The following MCPH1 variants were observed in gnomAD, a reference collection of about 807,000 sequenced individuals.
MCPH1 encodes the protein microcephalin 1, also known as microcephalin.
In MCPH1, 104 loss-of-function variants were observed where a neutral mutation model predicts 84.5. That is an observed-to-expected ratio of 1.23 (90% CI 1.05 to 1.45). The LOEUF is 1.45. Among genes scored for constraint, MCPH1 ranks in the 40% most tolerant of loss-of-function variants. The pLI is 0.00. For missense variants in MCPH1, 1,498 were observed against 1,005.7 expected (o/e 1.49, Z -6.62); for synonymous variants, 514 against 366.8 (o/e 1.40, Z -4.58).
chr8:6,483,156 A>T (rs1322167156), intron 11 of MCPH1, among the ~76,000 whole-genome samples: 2 of 152,212 alleles, frequency 1.3e-5, no homozygotes, highest in African/African-American at 4.8e-5. Context: ...AAACTACAAA[A>T]TACTGATTTT....
At chr8:6,584,850 A>C (rs1378644457) in intron 12 of MCPH1, among the ~76,000 whole-genome samples, 3 of 152,238 alleles carry the variant, frequency 2.0e-5, no homozygotes, top group Admixed American at 2.0e-4. Context: ...TGTGTCCCCT[A>C]GTTGCACAGT....
rs1292788858 is a variant in MCPH1 at position 6,485,959 on chromosome 8, C to A, written c.2136+5083C>A. 1.3e-5 allele frequency among the ~76,000 whole-genome samples: 2 copies of A among 152,160 alleles called. 1 individual carries two copies. ...CAAAAAGTTTAGAAACAAGCCGAGT[C>A]ACTTTCTCTGTTCATCTCAGTCTTC... is the stretch of plus-strand genomic sequence containing the variant. On this transcript the variant is annotated intron_variant, in intron 11 of 13. Coordinates refer to ENST00000344683, the MANE Select transcript of MCPH1 (RefSeq NM_024596.5).
At position 6,645,606 on chromosome 8, in the gene MCPH1, C is replaced by CAA. The variant is rs34907559; in HGVS notation, c.*2576_*2577dup. 0.048 allele frequency: 2,450 copies of CAA among 51,562 alleles called. 263 individuals carry two copies. The highest frequency in any genetic ancestry group is 0.3 in the East Asian group (620 of 2,044). 3.2% of individuals were successfully genotyped at this position (51,562 alleles called of 1,614,324 possible). A position where few individuals can be genotyped will look rare whatever the true frequency, so the allele number is the denominator to read the frequency against. ...CTATGTATAGAAATTGTAAGGAATG[C>CAA]AAAAAAAAAAAAAAAAAAAAGCCCT... is the stretch of plus-strand genomic sequence containing the variant. On this transcript the variant is annotated 3_prime_UTR_variant, in exon 14 of 14. Coordinates refer to ENST00000344683, the MANE Select transcript of MCPH1 (RefSeq NM_024596.5).
intron 12 of MCPH1, chr8:6,503,096 G>T (rs1194258225): frequency 6.2e-7 from 1 of 1,614,154 alleles, no homozygotes. Flanking sequence ...GGTGGACTGG[G>T]ATGTTTAGAA....
chr8:6,427,940 G>C (rs544710843), intron 3 of MCPH1, among the ~76,000 whole-genome samples: 2 of 151,710 alleles, frequency 1.3e-5, no homozygotes, highest in Non-Finnish European at 2.9e-5. Context: ...TTACAGGCAC[G>C]CACCACCACG....
chr8:6,435,074 G>A (rs1052214149), intron 4 of MCPH1, among the ~76,000 whole-genome samples: 18 of 152,098 alleles, frequency 1.2e-4, no homozygotes, highest in Admixed American at 4.6e-4. Context: ...ACCTTCCTGT[G>A]GATATCAGCC....
At chr8:6,474,114 A>T in intron 9 of MCPH1, 1 of 766,826 alleles carries the variant, frequency 1.3e-6, no homozygotes, top group South Asian at 1.4e-5. Context: ...TCAGGGAAGA[A>T]ATCACAACCG....
Position 6,642,975 on chromosome 8 carries a change from CT to C in MCPH1, c.2453-15del. ...GCTGGCTATTATGAATGCTAAACTGCTTTTCGCTCTCTCTCTAGATTCCATC... is the reference window on the plus strand; with the variant it reads ...GCTGGCTATTATGAATGCTAAACTGCTTTCGCTCTCTCTCTAGATTCCATC... On this transcript the variant is annotated intron_variant, in intron 13 of 13. Coordinates refer to ENST00000344683, the MANE Select transcript of MCPH1 (RefSeq NM_024596.5). 1 of 1,612,924 alleles carries C rather than the reference CT, an allele frequency of 6.2e-7. No individual in the cohort carries two copies. The highest frequency in any genetic ancestry group is 1.1e-5 in the South Asian group (1 of 90,992).
At chr8:6,488,933 G>A (rs1467579316) in intron 11 of MCPH1, among the ~76,000 whole-genome samples, 2 of 152,030 alleles carry the variant, frequency 1.3e-5, no homozygotes, top group East Asian at 3.9e-4. Context: ...GCCCTTCCTA[G>A]GAAGATCTAG....
At chr8:6,474,488 C>T (rs1029632841) in intron 9 of MCPH1, among the ~76,000 whole-genome samples, 1 of 152,124 alleles carries the variant, frequency 6.6e-6, no homozygotes, top group Admixed American at 6.5e-5. Flanking sequence ...CACCACTGCA[C>T]TCCAGCTAGG....
intron 12 of MCPH1, among the ~76,000 whole-genome samples, chr8:6,534,483 A>G (rs1820144050): frequency 6.6e-6 from 1 of 152,170 alleles, no homozygotes. Context: ...GTGTAAAATC[A>G]TTTTGTTGAA....
At chr8:6,555,133 A>G (rs776873990) in intron 12 of MCPH1, among the ~76,000 whole-genome samples, 1 of 152,064 alleles carries the variant, frequency 6.6e-6, no homozygotes, top group Non-Finnish European at 1.5e-5. Context: ...TTTTATTTAC[A>G]TCAAATCATT....
intron 1 of MCPH1, chr8:6,407,244 C>G (rs1328562344): frequency 6.2e-6 from 1 of 162,366 alleles, no homozygotes; most frequent in Non-Finnish European, 1.3e-5. Flanking sequence ...GCTAATTGTT[C>G]CAATAATAGG....
chr8:6,433,747 C>G (rs569085713), intron 4 of MCPH1, among the ~76,000 whole-genome samples: 2 of 151,430 alleles, frequency 1.3e-5, no homozygotes, highest in Non-Finnish European at 2.9e-5. Context: ...GTACACTTTA[C>G]CACTTTAATT....
At chr8:6,580,992 A>G (rs1396194838) in intron 12 of MCPH1, among the ~76,000 whole-genome samples, 1 of 152,252 alleles carries the variant, frequency 6.6e-6, no homozygotes, top group Non-Finnish European at 1.5e-5. Flanking sequence ...AAAAAAGTAC[A>G]AAAAATCGAG....
intron 12 of MCPH1, among the ~76,000 whole-genome samples, chr8:6,596,884 G>A (rs142030620): frequency 6.9e-4 from 105 of 152,312 alleles, no homozygotes; most frequent in African/African-American, 2.4e-3. Context: ...AGAAAATACA[G>A]AAGGACACAC....
intron 12 of MCPH1, among the ~76,000 whole-genome samples, chr8:6,600,542 A>G (rs1305666603): frequency 5.3e-5 from 8 of 152,256 alleles, no homozygotes; most frequent in African/African-American, 1.9e-4. Context: ...TGTCTCTAGC[A>G]TACCTCTGAC....
chr8:6,520,096 TTAAG>T (rs1373105026), intron 12 of MCPH1: 1 of 1,342,288 alleles, frequency 7.4e-7, no homozygotes, highest in Non-Finnish European at 1.0e-6. Flanking sequence ...TTTGGAATTC[TTAAG>T]TAAGCAAAAG....
intron 12 of MCPH1, among the ~76,000 whole-genome samples, chr8:6,610,997 A>ACC (rs1830207053): frequency 6.6e-6 from 1 of 151,762 alleles, no homozygotes; most frequent in African/African-American, 2.4e-5. Context: ...TGTCTCCCAG[A>ACC]CCCCTCTCCA....
Sources: allele counts gnomAD v4.1 joint callset (sites outside exome capture counted in the v4.1 genomes callset), GRCh38; gene constraint gnomAD v4.1.1; transcripts MANE v1.5; gene names NCBI Gene and HGNC (gene_info 2026-07-23, HGNC 2026-07-21).